Variants in SOS1 observed in about 807,000 individuals in gnomAD.
SOS1 encodes the protein SOS Ras/Rac guanine nucleotide exchange factor 1.
Under a neutral mutation model 157.6 loss-of-function variants are expected in SOS1, and 25 were observed. That is an observed-to-expected ratio of 0.16 (90% CI 0.12 to 0.22). The LOEUF is 0.22. Ranked by LOEUF, SOS1 falls within the 10% of genes least tolerant of loss-of-function variation. SOS1 has a pLI of 1.00. For synonymous variants in SOS1, 528 were observed against 534.0 expected (o/e 0.99, Z 0.16); for missense variants, 1,237 against 1,599.1 (o/e 0.77, Z 3.86).
At position 38,993,474 on chromosome 2, in the gene SOS1, G is replaced by C. The variant is rs542742764; in HGVS notation, c.3346+1649C>G. 4 of 152,240 alleles carry C rather than the reference G, an allele frequency of 2.6e-5. No individual in the cohort carries two copies. In the East Asian group the frequency reaches 7.7e-4, roughly 29 times the overall value. 9.4% of individuals were successfully genotyped at this position (152,240 alleles called of 1,614,324 possible). Reference sequence around the variant, plus strand: ...CCATGCCCAGCCCAAATATACTTTAGATGGCCCAAAGACAACAAAGACTAC... The same window carrying C: ...CCATGCCCAGCCCAAATATACTTTACATGGCCCAAAGACAACAAAGACTAC... On this transcript the variant is annotated intron_variant, in intron 20 of 22. Transcript: ENST00000402219.
At chr2:39,005,525 G>A (rs1007552068) in intron 17 of SOS1, among the ~76,000 whole-genome samples, 5 of 151,992 alleles carry the variant, frequency 3.3e-5, no homozygotes, top group Admixed American at 2.6e-4. Flanking sequence ...GATATGATAA[G>A]TGAATAACCT....
chr2:39,071,708 A>G (rs1671800177), intron 1 of SOS1, among the ~76,000 whole-genome samples: 1 of 152,172 alleles, frequency 6.6e-6, no homozygotes, highest in Non-Finnish European at 1.5e-5. Context: ...TTTTTTTTGT[A>G]AAGTTCACTG....
intron 5 of SOS1, among the ~76,000 whole-genome samples, chr2:39,051,715 A>G (rs1353989214): frequency 1.3e-5 from 2 of 152,206 alleles, no homozygotes; most frequent in African/African-American, 2.4e-5. Context: ...TTTTTAAGCC[A>G]TAACAAAAAA....
rs397517151 is a variant in SOS1, at chr2:39,023,016, C to T, written c.1412G>A (p.Cys471Tyr). Residue 471 changes from cysteine to tyrosine, a missense_variant, in exon 10 of 23, where the codon TGT becomes TAT. By Grantham distance (194) the Cys-to-Tyr change is radical. This residue lies in a region of SOS1 where 210 missense variants were observed against 220.2 expected (regional missense o/e 0.95). Transcript: ENST00000402219. ...TCTTGGCTGCCCATGATTTGATTTA[C>T]AGCAAATCATTAAGCCATCAAAGAG... ...IFLFDGLMIC[C>Y]KSNHGQPRLP... is the part of the protein sequence containing the mutation. The T allele has an allele frequency of 1.2e-6, 2 of 1,613,630 alleles. No individual in the cohort carries two copies. The highest frequency in any genetic ancestry group is 8.5e-7 in the Non-Finnish European group (1 of 1,179,632).
rs776327647 is a variant in SOS1, at chr2:39,067,798, T to C, written c.88-45A>G. ...TAATTAAAATGTGGGTTCCATATCA[T>C]TAAACAAATTTTTAAAACTTTAAAA... On this transcript the variant is annotated intron_variant, in intron 1 of 22. Transcript: ENST00000402219. 5.6e-5 allele frequency: 89 copies of C among 1,577,216 alleles called. 1 individual carries two copies. In the South Asian group the frequency reaches 7.9e-4, roughly 14 times the overall value.
rs1671004485 is a variant in SOS1, at chr2:39,051,164, A to G, written c.844T>C (p.Cys282Arg). Reference sequence around the variant, plus strand: ...CTTACCTCTGCTAAGTCTTCAAAGCAGCTTCCTACTAGTGGATGGGGACTG... The same window carrying G: ...CTTACCTCTGCTAAGTCTTCAAAGCGGCTTCCTACTAGTGGATGGGGACTG... Reference protein sequence around the residue: ...EGSPHPLVGSCFEDLAEELAF... With the variant: ...EGSPHPLVGSRFEDLAEELAF... The change falls in exon 6 of 23, where the codon TGC becomes CGC. Residue 282 changes from cysteine to arginine, a missense_variant. By Grantham distance (180) the Cys-to-Arg change is radical (BLOSUM62 -3). Around this residue, in one of 15 missense-constraint regions of SOS1, gnomAD observed 101 missense variants for 171.5 expected, o/e 0.59. Transcript: ENST00000402219. 6.2e-7 allele frequency: 1 copy of G among 1,613,836 alleles called. No individual in the cohort carries two copies. The highest frequency in any genetic ancestry group is 8.5e-7 in the Non-Finnish European group (1 of 1,179,792).
At chr2:39,052,280 A>AT (rs138822500) in intron 5 of SOS1, among the ~76,000 whole-genome samples, 5,486 of 152,218 alleles carry the variant, frequency 0.036, 308 homozygotes, top group African/African-American at 0.12. Flanking sequence ...CTATTATTTG[A>AT]TTTTTTTATC....
intron 20 of SOS1, among the ~76,000 whole-genome samples, chr2:38,991,713 A>G (rs954461352): frequency 6.6e-5 from 10 of 152,150 alleles, no homozygotes; most frequent in Middle Eastern, 3.2e-3. Context: ...TCATCTTTCT[A>G]TAAGCTTCTC....
At chr2:39,110,051 T>TGC (rs1673363382) in intron 1 of SOS1, among the ~76,000 whole-genome samples, 1 of 150,112 alleles carries the variant, frequency 6.7e-6, no homozygotes, top group Non-Finnish European at 1.5e-5. Flanking sequence ...TGTGTGTGTG[T>TGC]GTGTGTGTGT....
chr2:39,120,002 A>C (rs370656230), intron 1 of SOS1, among the ~76,000 whole-genome samples: 124 of 152,342 alleles, frequency 8.1e-4, no homozygotes, highest in African/African-American at 3.0e-3. Context: ...AAGACCAAGA[A>C]GACGGAAAAG....
chr2:39,112,042 C>T (rs564789364), intron 1 of SOS1, among the ~76,000 whole-genome samples: 2 of 152,232 alleles, frequency 1.3e-5, no homozygotes, highest in East Asian at 3.9e-4. Flanking sequence ...TCTCTAATCA[C>T]ATCCCCTATC....
chr2:39,005,161 C>T (rs1669245145), intron 17 of SOS1, among the ~76,000 whole-genome samples: 3 of 152,094 alleles, frequency 2.0e-5, no homozygotes, highest in South Asian at 2.1e-4. Flanking sequence ...AAATTAGGCA[C>T]AGTAAGATTA....
At chr2:39,056,960 C>T (rs935815226) in intron 3 of SOS1, 94 bp from the exon 4 acceptor site, 2 of 924,144 alleles carry the variant, frequency 2.2e-6, no homozygotes, top group Non-Finnish European at 3.5e-6. Context: ...CCTTAACTTA[C>T]ACTTTTTTTC....
intron 17 of SOS1, among the ~76,000 whole-genome samples, chr2:39,001,486 A>G (rs1669097874): frequency 6.6e-6 from 1 of 152,180 alleles, no homozygotes; most frequent in Non-Finnish European, 1.5e-5. Context: ...TGACTGCCCT[A>G]CTTTTATTCT....
intron 1 of SOS1, among the ~76,000 whole-genome samples, chr2:39,102,538 A>AC (rs2148208086): frequency 6.8e-6 from 1 of 147,620 alleles, no homozygotes; most frequent in Admixed American, 6.7e-5. Context: ...CTCAAAAAAA[A>AC]AAAAAAAAAA....
At chr2:39,034,082 G>C (rs1211865144) in intron 8 of SOS1, among the ~76,000 whole-genome samples, 2 of 152,118 alleles carry the variant, frequency 1.3e-5, no homozygotes, top group Non-Finnish European at 2.9e-5. Flanking sequence ...ATCCTCTTAA[G>C]ATACTCATCC....
intron 1 of SOS1, among the ~76,000 whole-genome samples, chr2:39,095,135 T>G (rs1278564782): frequency 1.3e-5 from 2 of 152,196 alleles, no homozygotes; most frequent in Non-Finnish European, 2.9e-5. Context: ...ACAAACCAGC[T>G]GTTCAAATTT....
chr2:39,119,564 T>C (rs540545936), intron 1 of SOS1, among the ~76,000 whole-genome samples: 1 of 152,244 alleles, frequency 6.6e-6, no homozygotes, highest in African/African-American at 2.4e-5. Context: ...AAAACAAAAA[T>C]AGTCTGGTTG....
chr2:39,115,398 T>TTC (rs3085575), intron 1 of SOS1, among the ~76,000 whole-genome samples: 14 of 132,314 alleles, frequency 1.1e-4, no homozygotes, highest in African/African-American at 3.4e-4. Context: ...ATCAAATTTG[T>TTC]TCTCTCTCTT....
Sources: gnomAD v4.1 joint callset for allele counts (sites outside exome capture counted in the v4.1 genomes callset) on GRCh38, gnomAD v4.1.1 for gene constraint, gnomAD v4.1.1 regional missense constraint, MANE v1.5 for transcripts, NCBI Gene and HGNC (gene_info 2026-07-23, HGNC 2026-07-21) for gene names.